Variants in TRMT44 observed in about 807,000 individuals in gnomAD.
TRMT44 encodes tRNA methyltransferase 44 homolog.
TRMT44 carries 78 observed loss-of-function variants against 77.3 expected under a neutral mutation model. That is an observed-to-expected ratio of 1.01 (90% CI 0.84 to 1.22). The LOEUF is 1.22. TRMT44 is among the 50% of genes most tolerant of loss of function. TRMT44 has a pLI of 0.00. For missense variants in TRMT44, 1,090 were observed against 964.4 expected (o/e 1.13, Z -1.73); for synonymous variants, 391 against 383.3 (o/e 1.02, Z -0.23).
rs1322838969 is a variant in TRMT44, at chr4:8,465,495, A to G, written c.1428A>G (p.Lys476=). 1 of 1,614,058 alleles carries G rather than the reference A, an allele frequency of 6.2e-7. No homozygotes were observed. Among genetic ancestry groups the G allele is most frequent in the Non-Finnish European group, 8.5e-7 (1 of 1,180,024 alleles). The change falls in exon 8 of 11, where the codon AAA becomes AAG. Residue 476 remains lysine, a synonymous_variant. Coordinates refer to ENST00000389737, the MANE Select transcript of TRMT44 (RefSeq NM_152544.3). ...ACCGGGAATACCTTGACTTCATTAA[A>G]GAAGTGGGCTTCACCTGTGGGTTTC... ...TQYREYLDFI[K]EVGFTCGFHV... is the part of the protein sequence containing the mutation.
At chr4:8,442,967 G>A (rs1724843872) in intron 1 of TRMT44, among the ~76,000 whole-genome samples, 1 of 152,188 alleles carries the variant, frequency 6.6e-6, no homozygotes, top group African/African-American at 2.4e-5. Context: ...GTTTGCAAGT[G>A]CCCCTTTTGC....
intron 2 of TRMT44, among the ~76,000 whole-genome samples, chr4:8,488,352 A>G (rs13106582): frequency 0.23 from 35,060 of 152,106 alleles, 4,566 homozygotes; most frequent in African/African-American, 0.35. Context: ...GGCTGAGTCC[A>G]AAAGAGTCAG....
chr4:8,488,334 T>A (rs546480301), intron 2 of TRMT44, among the ~76,000 whole-genome samples: 1 of 152,212 alleles, frequency 6.6e-6, no homozygotes, highest in East Asian at 1.9e-4. Context: ...TTCACCTGGG[T>A]GCAGGTGGGC....
intron 6 of TRMT44, 42 bp from the exon 7 acceptor site, chr4:8,463,943 A>G (rs1235941555): frequency 3.2e-6 from 5 of 1,561,062 alleles, no homozygotes; most frequent in South Asian, 1.1e-5. Flanking sequence ...TAGCTCTACA[A>G]TGATTCACAA....
rs748353489 is a variant in TRMT44, at chr4:8,466,466, C to T, written c.1494+905C>T. Among the ~76,000 whole-genome samples, 18 of 152,340 alleles carry T rather than the reference C, an allele frequency of 1.2e-4. 1 individual carries two copies. Among genetic ancestry groups the T allele is most frequent in the East Asian group, 3.9e-4 (2 of 5,188 alleles). Reference sequence around the variant, plus strand: ...TTGTGGGCACTCGCTGGCCGGCTGCCGTCATAGCCGTGCACCAGGAGCAGC... The same window carrying T: ...TTGTGGGCACTCGCTGGCCGGCTGCTGTCATAGCCGTGCACCAGGAGCAGC... On this transcript the variant is annotated intron_variant, in intron 8 of 10. Coordinates refer to ENST00000389737, the MANE Select transcript of TRMT44 (RefSeq NM_152544.3).
chr4:8,505,756 G>C, the TRMT44 span, among the ~76,000 whole-genome samples: 2 of 152,226 alleles, frequency 1.3e-5, no homozygotes, highest in Non-Finnish European at 2.9e-5. Flanking sequence ...GTAATCTGCA[G>C]GTGTTGAGGG....
intron 3 of TRMT44, 69 bp downstream of exon 3, chr4:8,449,957 T>TCTTTC: frequency 1.4e-6 from 1 of 722,924 alleles, no homozygotes; most frequent in Non-Finnish European, 2.0e-6. Flanking sequence ...TTCTTTTTTT[T>TCTTTC]TTTTTTTTTT....
In TRMT44 at chr4:8,440,807, A is replaced by C. The variant is rs543494278; in HGVS notation, c.-16A>C. 5.6e-6 allele frequency: 8 copies of C among 1,437,826 alleles called. No individual in the cohort carries two copies. In the African/African-American group the frequency reaches 1.2e-4, roughly 21 times the overall value. 89.1% of individuals were successfully genotyped at this position (1,437,826 alleles called of 1,614,324 possible). A position where few individuals can be genotyped will look rare whatever the true frequency, so the allele number is the denominator to read the frequency against. ...CTCGGCGCGCCGCTGCCAGGGCTGT[A>C]CACCTGCTGGCTGCCATGGCTGAGG... On this transcript the variant is annotated 5_prime_UTR_variant, in exon 1 of 11. Transcript: ENST00000389737.
At chr4:8,508,175 G>A in the TRMT44 span, among the ~76,000 whole-genome samples, 1 of 152,224 alleles carries the variant, frequency 6.6e-6, no homozygotes, top group Non-Finnish European at 1.5e-5. Context: ...CCAGAGTGCT[G>A]GGATTACAGG....
chr4:8,495,275 C>A (rs1728118340), downstream of TRMT44, among the ~76,000 whole-genome samples: 1 of 147,122 alleles, frequency 6.8e-6, no homozygotes, highest in Non-Finnish European at 1.5e-5. Flanking sequence ...GACCTGATGC[C>A]ATAGAGGAGA....
At chr4:8,493,104 C>G (rs964766936) in intron 2 of TRMT44, among the ~76,000 whole-genome samples, 15 of 152,222 alleles carry the variant, frequency 9.9e-5, no homozygotes, top group African/African-American at 3.6e-4. Context: ...AAAACAAAGT[C>G]CCTGCCTGCC....
In TRMT44 at chr4:8,446,591, G is replaced by GT; in HGVS notation, c.734+2dup. On this transcript the variant is annotated splice_donor_variant, in intron 2 of 10. Coordinates refer to ENST00000389737, the MANE Select transcript of TRMT44 (RefSeq NM_152544.3). LOFTEE classifies it high-confidence loss of function. This position sits in a 1 kb window ranked among gnomAD's most constrained non-coding sequence, Gnocchi z 4.3. ...AGCTCAGTCATAGCAAAGAAGAATG[G>GT]TAAGAGCTGGACAGTGGACTCCTAG... 1 of 1,525,372 alleles carries GT rather than the reference G, an allele frequency of 6.6e-7. No individual in the cohort carries two copies. The highest frequency in any genetic ancestry group is 8.8e-7 in the Non-Finnish European group (1 of 1,137,114). 94.5% of individuals were successfully genotyped at this position (1,525,372 alleles called of 1,614,324 possible). A position where few individuals can be genotyped will look rare whatever the true frequency, so the allele number is the denominator to read the frequency against.
At chr4:8,494,697 G>A (rs925040699), downstream of TRMT44, among the ~76,000 whole-genome samples, 1 of 152,190 alleles carries the variant, frequency 6.6e-6, no homozygotes, top group Non-Finnish European at 1.5e-5. Context: ...TCCTGAGGCT[G>A]TGTTATGGGT....
At chr4:8,479,906 CTTG>C (rs1338448038), downstream of TRMT44, among the ~76,000 whole-genome samples, 13 of 152,028 alleles carry the variant, frequency 8.6e-5, no homozygotes, top group African/African-American at 1.7e-4. Flanking sequence ...GAGACGGGGT[CTTG>C]TTGTGTCACC....
the TRMT44 span, among the ~76,000 whole-genome samples, chr4:8,501,294 G>T: frequency 2.6e-5 from 4 of 152,290 alleles, no homozygotes; most frequent in Middle Eastern, 3.4e-3. This position sits in a 1 kb window ranked among gnomAD's most constrained non-coding sequence, Gnocchi z 4.4. Context: ...GGGCAGGAGA[G>T]ACCCCACCCC....
chr4:8,481,585 C>G (rs1352345004), intron 2 of TRMT44, among the ~76,000 whole-genome samples: 2 of 152,216 alleles, frequency 1.3e-5, no homozygotes, highest in African/African-American at 4.8e-5. Context: ...CCTACTATGT[C>G]ACTCCTGCCT....
Position 8,472,377 on chromosome 4 carries a change from C to T in TRMT44, c.2044+1177C>T, listed in dbSNP as rs530091544. Among the ~76,000 whole-genome samples, 9 of 152,280 alleles carry T rather than the reference C, an allele frequency of 5.9e-5. No homozygotes were observed. The South Asian group carries it at 1.7e-3, about 28-fold the overall frequency. ...GCCATGACCAGGAAAAGGACTGGGC[C>T]TCTGATGGGTAGGGATGACACCGAA... On this transcript the variant is annotated intron_variant, in intron 10 of 10. Coordinates refer to ENST00000389737, the MANE Select transcript of TRMT44 (RefSeq NM_152544.3).
chr4:8,489,998 G>A (rs1443169081), intron 2 of TRMT44, among the ~76,000 whole-genome samples: 1 of 152,146 alleles, frequency 6.6e-6, no homozygotes, highest in Non-Finnish European at 1.5e-5. Context: ...TTTGAGATAT[G>A]TTTTCAGATT....
At position 8,449,954 on chromosome 4, in the gene TRMT44, T is replaced by TTTTCTTTC. The variant is rs1725330401; in HGVS notation, c.954+69_954+70insCTTTCTTT. The TTTTCTTTC allele has an allele frequency of 1.6e-4, 36 of 222,850 alleles. 1 individual carries two copies. In the Admixed American group the frequency reaches 1.8e-3, roughly 11 times the overall value. The allele number at this position is 222,850 out of a possible 1,614,324, so 13.8% of individuals were successfully genotyped here. ...ATTTTCTTTTCTTTTCTTTTCTTTT[T>TTTTCTTTC]TTTTTTTTTTTTTTTTTTTTGCGAC... On this transcript the variant is annotated intron_variant, in intron 3 of 10. Transcript: ENST00000389737.
Sources: allele counts gnomAD v4.1 joint callset (sites outside exome capture counted in the v4.1 genomes callset), GRCh38; gene constraint gnomAD v4.1.1; non-coding constraint Gnocchi (gnomAD v3.1); transcripts MANE v1.5; gene names NCBI Gene and HGNC (gene_info 2026-07-23, HGNC 2026-07-21).